The following PRAME variants were observed in gnomAD, a reference collection of about 807,000 sequenced individuals.
PRAME encodes the protein melanoma antigen preferentially expressed in tumors.
PRAME carries 21 observed loss-of-function variants against 32.1 expected under a neutral mutation model. The observed-to-expected ratio is 0.65, with a 90% confidence interval of 0.46 to 0.94. The LOEUF is 0.94. Among genes scored for constraint, PRAME ranks in the 40% least tolerant of loss-of-function variants. The pLI is 0.00. For synonymous variants in PRAME, 274 were observed against 251.5 expected (o/e 1.09, Z -0.85); for missense variants, 651 against 622.3 (o/e 1.05, Z -0.49).
At position 22,550,332 on chromosome 22, in the gene PRAME, C is replaced by A; in HGVS notation, c.347G>T (p.Arg116Met). The A allele has an allele frequency of 6.2e-7, 1 of 1,611,128 alleles. No homozygotes were observed. The highest frequency in any genetic ancestry group is 8.5e-7 in the Non-Finnish European group (1 of 1,179,256). Residue 116 changes from arginine to methionine, a missense_variant and splice_region_variant, in exon 5 of 6, where the codon AGG (arginine) becomes ATG (methionine). Arg to Met is a moderately conservative substitution (Grantham distance 91). Coordinates refer to ENST00000405655, the MANE Select transcript of PRAME (RefSeq NM_206956.3). ...VLLAQEVRPR[R>M]WKLQVLDLRK... ...TAAATCCAGCACTTGAAGTTTCCAC[C>A]TCCTGTGGGGAAAAACAGGTAATTA...
intron 2 of PRAME, 164 bp from the exon 3 acceptor site, chr22:22,557,073 C>T (rs2062972719): frequency 3.4e-6 from 2 of 588,874 alleles, no homozygotes; most frequent in Non-Finnish European, 3.0e-6. Context: ...ACCTGAGCAC[C>T]AGTGTTTCCT....
chr22:22,547,848 T>G lies in PRAME; in HGVS notation c.*219A>C, dbSNP rs8405. On this transcript the variant is annotated 3_prime_UTR_variant, in exon 6 of 6. Transcript: ENST00000405655. ...TCTATAAGATGTATCTCCCCAAAGA[T>G]CACATTAACTCCTCAAGTCAACATC... 68,710 of 583,300 alleles carry G rather than the reference T, an allele frequency of 0.12. 8,051 individuals carry two copies. The highest frequency in any genetic ancestry group is 0.38 in the African/African-American group (20,528 of 53,520). The allele number at this position is 583,300 out of a possible 1,614,324, so 36.1% of individuals were successfully genotyped here.
Position 22,548,072 on chromosome 22 carries a change from T to C in PRAME, c.1525A>G (p.Asn509Asp). The stretch of plus-strand genomic sequence containing the variant: ...CATTTGATATGTGCACCCAGCTAAT[T>C]AGGCATGAAACAGGGGCACAGGATG... Reference protein sequence around the residue: ...EPILCPCFMPN With the variant: ...EPILCPCFMPD The change falls in exon 6 of 6, where the codon AAT becomes GAT. Residue 509 changes from asparagine to aspartate, a missense_variant. Physicochemically the swap from Asn to Asp is conservative, Grantham distance 23. Transcript: ENST00000405655. 1.2e-6 allele frequency: 2 copies of C among 1,607,606 alleles called. No homozygotes were observed. The highest frequency in any genetic ancestry group is 1.7e-6 in the Non-Finnish European group (2 of 1,175,906).
intron 3 of PRAME, chr22:22,553,815 A>T (rs1224905679): frequency 7.1e-6 from 7 of 985,012 alleles, no homozygotes; most frequent in Non-Finnish European, 8.4e-6. Context: ...GCAATTAAAG[A>T]AGTTGTCAGA....
At chr22:22,552,692 CT>C in intron 3 of PRAME, 1 of 298,182 alleles carries the variant, frequency 3.4e-6, no homozygotes. Flanking sequence ...AAGCCTGTTC[CT>C]TTGTAAGGAA....
At position 22,550,946 on chromosome 22, in the gene PRAME, T is replaced by C. The variant is rs1052236781; in HGVS notation, c.165A>G (p.Pro55=). 2 of 1,613,216 alleles carry C rather than the reference T, an allele frequency of 1.2e-6. No homozygotes were observed. The highest frequency in any genetic ancestry group is 2.2e-5 in the East Asian group (1 of 44,762). ...LELLPRELFP[P]LFMAAFDGRH... ...TCCCGTCAAAGGCTGCCATGAAGAG[T>C]GGCGGGAAGAGCTCCCTGGGCAGCA... The change falls in exon 4 of 6, where the codon CCA becomes CCG. Residue 55 remains proline, a synonymous_variant. Transcript: ENST00000405655.
chr22:22,551,845 T>C (rs930135325), intron 3 of PRAME, among the ~76,000 whole-genome samples: 2 of 151,892 alleles, frequency 1.3e-5, no homozygotes, highest in African/African-American at 4.8e-5. Context: ...ATGTATACAT[T>C]GTAGAATAGG....
chr22:22,550,399 A>C, intron 4 of PRAME, 65 bp from the exon 5 acceptor site: 2 of 1,552,750 alleles, frequency 1.3e-6, no homozygotes, highest in Non-Finnish European at 1.7e-6. Context: ...TAAGACCATG[A>C]GTCTCATAAT....
At chr22:22,556,386 C>T (rs1346800974) in intron 3 of PRAME, among the ~76,000 whole-genome samples, 2 of 151,804 alleles carry the variant, frequency 1.3e-5, no homozygotes, top group Admixed American at 6.6e-5. Context: ...TCTTGGCTTA[C>T]TGCAACCTTC....
chr22:22,553,899 A>C (rs2062749373), intron 3 of PRAME: 15 of 985,046 alleles, frequency 1.5e-5, no homozygotes, highest in Non-Finnish European at 1.8e-5. Context: ...GGCCTTTACC[A>C]CAAACATAAT....
chr22:22,547,892 CCTTT>C lies in PRAME; in HGVS notation c.*171_*174del. 2 of 723,096 alleles carry C rather than the reference CCTTT, an allele frequency of 2.8e-6. No individual in the cohort carries two copies. Among genetic ancestry groups the C allele is most frequent in the South Asian group, 1.9e-5 (1 of 53,650 alleles). The allele number at this position is 723,096 out of a possible 1,614,324, so 44.8% of individuals were successfully genotyped here. ...CAACATCTGCCTACCCCCAACTTCC[CCTTT>C]TTTTCCTCACTGAACATTTGTCTGA... On this transcript the variant is annotated 3_prime_UTR_variant, in exon 6 of 6. Transcript: ENST00000405655.
chr22:22,549,048 G>A (rs1421929517), intron 5 of PRAME, among the ~76,000 whole-genome samples: 3 of 151,888 alleles, frequency 2.0e-5, no homozygotes, highest in Non-Finnish European at 4.4e-5. Flanking sequence ...CTGGGCCCCA[G>A]TCACCTCTAT....
In PRAME at chr22:22,549,884, G is replaced by C; in HGVS notation, c.795C>G (p.Leu265=). 3.1e-6 allele frequency: 5 copies of C among 1,613,838 alleles called. No homozygotes were observed. The highest frequency in any genetic ancestry group is 4.2e-6 in the Non-Finnish European group (5 of 1,179,970). Residue 265 remains leucine, a synonymous_variant, in exon 5 of 6, where the codon CTC becomes CTG. Coordinates refer to ENST00000405655, the MANE Select transcript of PRAME (RefSeq NM_206956.3). ...YLGQMINLRR[L]LLSHIHASSY... is the part of the protein sequence containing the mutation. ...AAGATGCATGGATGTGGGAGAGGAGGAGTCTACGCAGATTAATCATCTGGC... is the reference window on the plus strand; with the variant it reads ...AAGATGCATGGATGTGGGAGAGGAGCAGTCTACGCAGATTAATCATCTGGC...
In PRAME at chr22:22,548,484, A is replaced by G; in HGVS notation, c.1113T>C (p.Ala371=). The part of the protein sequence containing the change: ...LTDVSPEPLQ[A]LLERASATLQ... The stretch of plus-strand genomic sequence containing the variant: ...GGGTGGCAGAGGCTCTCTCCAGCAG[A>G]GCTTGGAGGGGCTCGGGACTTACAT... The change falls in exon 6 of 6, where the codon GCT becomes GCC. Residue 371 remains alanine, a synonymous_variant. Transcript: ENST00000405655. The G allele has an allele frequency of 2.5e-6, 4 of 1,613,722 alleles. No homozygotes were observed. The highest frequency in any genetic ancestry group is 3.4e-6 in the Non-Finnish European group (4 of 1,179,944).
chr22:22,554,841 G>A (rs1446879802), intron 3 of PRAME, among the ~76,000 whole-genome samples: 1 of 151,932 alleles, frequency 6.6e-6, no homozygotes, highest in Non-Finnish European at 1.5e-5. Flanking sequence ...CAACAGTTAG[G>A]GAAGCTTCCA....
intron 1 of PRAME, among the ~76,000 whole-genome samples, chr22:22,558,526 G>A (rs1381524305): frequency 3.6e-5 from 4 of 112,218 alleles, no homozygotes; most frequent in Non-Finnish European, 5.6e-5. Flanking sequence ...GAGGCAGAGA[G>A]TGGGGGAGGG....
intron 3 of PRAME, chr22:22,553,762 G>C: frequency 1.0e-6 from 1 of 980,516 alleles, no homozygotes; most frequent in Non-Finnish European, 1.2e-6. Flanking sequence ...AGGAATCTTG[G>C]AGCCAGGAAA....
At position 22,549,834 on chromosome 22, in the gene PRAME, T is replaced by C; in HGVS notation, c.845A>G (p.Glu282Gly). Residue 282 changes from glutamate to glycine, a missense_variant, in exon 5 of 6, where the codon GAG (glutamate) becomes GGG (glycine). Coordinates refer to ENST00000405655, the MANE Select transcript of PRAME (RefSeq NM_206956.3). ...AGAGGTGAACTGGGCGATATACTGC[T>C]CTTCCTTCTCCGGGGAAATGTAGGA... ...ASSYISPEKEEQYIAQFTSQF... is the reference protein window; with the variant it reads ...ASSYISPEKEGQYIAQFTSQF... 1.9e-6 allele frequency: 3 copies of C among 1,613,788 alleles called. No homozygotes were observed. In the African/African-American group the frequency reaches 4.0e-5, roughly 22 times the overall value.
At chr22:22,551,586 A>T (rs2062571279) in intron 3 of PRAME, among the ~76,000 whole-genome samples, 1 of 151,906 alleles carries the variant, frequency 6.6e-6, no homozygotes, top group South Asian at 2.1e-4. Flanking sequence ...TTTAAATGAG[A>T]AACTACAGAA....
Sources: gnomAD v4.1 joint callset for allele counts (sites outside exome capture counted in the v4.1 genomes callset) on GRCh38, gnomAD v4.1.1 for gene constraint, MANE v1.5 for transcripts, NCBI Gene and HGNC (gene_info 2026-07-23, HGNC 2026-07-21) for gene names.